DHX58: variants seen among roughly 807,000 people sequenced by gnomAD.
DHX58 encodes the protein DExH-box helicase 58, also known as ATP-dependent RNA helicase DHX58.
Under a neutral mutation model 65.0 loss-of-function variants are expected in DHX58, and 51 were observed. The observed-to-expected ratio is 0.78, with a 90% confidence interval of 0.63 to 0.99. The LOEUF (loss-of-function observed/expected upper bound fraction) is 0.99, where lower values mean the gene tolerates loss of function less well. Among genes scored for constraint, DHX58 ranks in the 50% least tolerant of loss-of-function variants. The pLI is 0.00. For missense variants in DHX58, 773 were observed against 891.8 expected, an observed-to-expected ratio of 0.87 and a Z score of 1.70; for synonymous variants, 350 against 365.0, an observed-to-expected ratio of 0.96 and a Z score of 0.47.
rs782596742 is a variant in DHX58 at position 42,105,992 on chromosome 17, G to A, written c.998-3C>T. 2.9e-5 allele frequency: 46 copies of A among 1,609,576 alleles called. 1 individual carries two copies. In the South Asian group the frequency reaches 4.2e-4, roughly 15 times the overall value. Reference sequence around the variant, plus strand: ...GTGGGCCAGCTCATTCTTGCGGTCTGTCAAAAACCCCAAAATTTAGCTGGG... The same window carrying A: ...GTGGGCCAGCTCATTCTTGCGGTCTATCAAAAACCCCAAAATTTAGCTGGG... On this transcript the variant is annotated splice_polypyrimidine_tract_variant and splice_region_variant and intron_variant, in intron 8 of 13. Transcript: ENST00000251642.
intron 11 of DHX58, 107 bp downstream of exon 11, chr17:42,104,659 C>T (rs1339421807): frequency 8.9e-6 from 13 of 1,464,464 alleles, no homozygotes; most frequent in Non-Finnish European, 1.1e-5. Context: ...AAGTTAGCCC[C>T]GAGATGTAGA....
intron 11 of DHX58, among the ~76,000 whole-genome samples, chr17:42,104,227 T>C (rs184974872): frequency 6.7e-6 from 1 of 149,866 alleles, no homozygotes; most frequent in Non-Finnish European, 1.5e-5. Flanking sequence ...AAAAAACAGC[T>C]ATGGAGAAAA....
In DHX58 at chr17:42,101,866, CT is replaced by C. The variant is rs1555661604; in HGVS notation, c.1931del (p.Gln644ArgfsTer96). On this transcript the variant is annotated frameshift_variant, in exon 14 of 14. Coordinates refer to ENST00000251642, the MANE Select transcript of DHX58 (RefSeq NM_024119.3). LOFTEE classifies it high-confidence loss of function. ...ACCACTTTTTGGCCTGGATCCGCCCCTGAGGGGTCTCCAGCAGCATGCTGCG... is the reference window on the plus strand; with the variant it reads ...ACCACTTTTTGGCCTGGATCCGCCCCGAGGGGTCTCCAGCAGCATGCTGCG... Reference protein sequence around the residue: ...KVRSMLLETPQGRIQAKKWSR... With the variant: ...KVRSMLLETPXGRIQAKKWSR... 3.1e-6 allele frequency: 5 copies of C among 1,614,244 alleles called. No homozygotes were observed. The highest frequency in any genetic ancestry group is 4.2e-6 in the Non-Finnish European group (5 of 1,180,036).
chr17:42,105,834 G>C lies in DHX58; in HGVS notation c.1153C>G (p.Leu385Val). 2 of 1,614,056 alleles carry C rather than the reference G, an allele frequency of 1.2e-6. No individual in the cohort carries two copies. The highest frequency in any genetic ancestry group is 1.7e-6 in the Non-Finnish European group (2 of 1,179,994). Reference protein sequence around the residue: ...RTRQSAHSLLLWLQQQQGLQT... With the variant: ...RTRQSAHSLLVWLQQQQGLQT... Reference sequence around the variant, plus strand: ...AGGCCCTGCTGCTGCTGGAGCCAGAGCAGGAGGGAGTGTGCGCTTTGGCGG... The same window carrying C: ...AGGCCCTGCTGCTGCTGGAGCCAGACCAGGAGGGAGTGTGCGCTTTGGCGG... The change falls in exon 9 of 14, where the codon CTC becomes GTC. Residue 385 changes from leucine to valine, a missense_variant. Physicochemically the swap from Leu to Val is conservative, Grantham distance 32 (BLOSUM62 1). Coordinates refer to ENST00000251642, the MANE Select transcript of DHX58 (RefSeq NM_024119.3).
chr17:42,105,341 TTCCCAGGTAACTGTCCAACCCCTA>T (rs1555662419), intron 9 of DHX58, among the ~76,000 whole-genome samples, 174 bp from the exon 10 acceptor site: 1 of 152,062 alleles, frequency 6.6e-6, no homozygotes, highest in Non-Finnish European at 1.5e-5. Flanking sequence ...CTTGCCCATC[TTCCCAGGTAACTGTCCAACCCCTA>T]TCTTCCCTAG....
intron 8 of DHX58, 49 bp from the exon 9 acceptor site, chr17:42,106,038 G>C: frequency 6.4e-7 from 1 of 1,570,888 alleles, no homozygotes; most frequent in Non-Finnish European, 8.6e-7. Flanking sequence ...CATGTCTGTA[G>C]TCCCAGATAC....
intron 8 of DHX58, 97 bp downstream of exon 8, chr17:42,107,507 G>C (rs1555662955): frequency 7.4e-7 from 1 of 1,357,298 alleles, no homozygotes; most frequent in African/African-American, 1.5e-5. Flanking sequence ...ATCCTCACGG[G>C]CACCTTCCCA....
chr17:42,107,367 TAAA>T (rs1555662926), intron 8 of DHX58, among the ~76,000 whole-genome samples: 3 of 140,054 alleles, frequency 2.1e-5, no homozygotes, highest in South Asian at 4.5e-4. Flanking sequence ...CCCCGACTAT[TAAA>T]AAAAAAAAAA....
At chr17:42,112,568 T>TGGGG (rs1351973584) in intron 1 of DHX58, 37 bp downstream of exon 1, 3 of 16,404 alleles carry the variant, frequency 1.8e-4, no homozygotes, top group Non-Finnish European at 3.0e-4. Flanking sequence ...GGCCAAAAGG[T>TGGGG]GGGGGTGGGG....
chr17:42,105,671 T>C, intron 9 of DHX58, 65 bp downstream of exon 9: 3 of 1,504,232 alleles, frequency 2.0e-6, no homozygotes, highest in African/African-American at 1.4e-5. Context: ...CTGAAGACCC[T>C]GTTCCCCGCA....
intron 4 of DHX58, 21 bp from the exon 5 acceptor site, chr17:42,110,934 G>A: frequency 3.2e-6 from 5 of 1,570,566 alleles, no homozygotes; most frequent in Non-Finnish European, 4.3e-6. Flanking sequence ...AGGGGGGAAG[G>A]CTGTGACCTA....
In DHX58 at chr17:42,104,795, T is replaced by A; in HGVS notation, c.1534A>T (p.Lys512Ter). ...LMEQAVAAVQKMDQAEYQAKI... is the reference protein window; with the variant it reads ...LMEQAVAAVQ Reference sequence around the variant, plus strand: ...GCCTGGTACTCGGCCTGGTCCATTTTCTGCACAGCAGCCACTGCCTGCTCC... The same window carrying A: ...GCCTGGTACTCGGCCTGGTCCATTTACTGCACAGCAGCCACTGCCTGCTCC... Residue 512 changes from lysine to a stop codon, truncating the protein, a stop_gained, in exon 11 of 14, where the codon AAA becomes TAA. Coordinates refer to ENST00000251642, the MANE Select transcript of DHX58 (RefSeq NM_024119.3). LOFTEE classifies it high-confidence loss of function. The A allele has an allele frequency of 6.2e-7, 1 of 1,614,060 alleles. No individual in the cohort carries two copies. The highest frequency in any genetic ancestry group is 8.5e-7 in the Non-Finnish European group (1 of 1,180,008).
At chr17:42,108,214 C>T in intron 6 of DHX58, 106 bp from the exon 7 acceptor site, 2 of 1,530,554 alleles carry the variant, frequency 1.3e-6, no homozygotes, top group Non-Finnish European at 1.8e-6. Flanking sequence ...CCTCACCCAT[C>T]TGTCTTAGCT....
At chr17:42,110,094 G>A (rs2054125500) in intron 5 of DHX58, among the ~76,000 whole-genome samples, 1 of 151,338 alleles carries the variant, frequency 6.6e-6, no homozygotes, top group African/African-American at 2.4e-5. Context: ...GGCTGAGGCA[G>A]GAGAATCGCT....
At chr17:42,112,353 G>A (rs12601619) in intron 1 of DHX58, 148 bp from the exon 2 acceptor site, 4,463 of 249,036 alleles carry the variant, frequency 0.018, 73 homozygotes, top group East Asian at 0.063. Flanking sequence ...CTGCGCCAGC[G>A]CCCTGGCAGG....
At chr17:42,103,336 A>G (rs2054006129) in intron 12 of DHX58, 2 of 488,722 alleles carry the variant, frequency 4.1e-6, no homozygotes, top group Admixed American at 7.4e-5. Flanking sequence ...CAGAGGGTCA[A>G]TGTGTGGTCT....
rs111241943 is a variant in DHX58, at chr17:42,101,921, T to C, written c.1877A>G (p.Lys626Arg). 1 of 1,613,556 alleles carries C rather than the reference T, an allele frequency of 6.2e-7. No individual in the cohort carries two copies. The highest frequency in any genetic ancestry group is 1.1e-5 in the South Asian group (1 of 90,988). Residue 626 changes from lysine (K) to arginine (R), a missense_variant, in exon 14 of 14, where the codon AAG (lysine) becomes AGG (arginine). Lys to Arg is a conservative substitution (Grantham distance 26). Coordinates refer to ENST00000251642, the MANE Select transcript of DHX58 (RefSeq NM_024119.3). ...GEVWGLQMIY[K>R]SVKLPVLKVR... ...TTTGAGCACTGGCAGCTTCACTGAC[T>C]TGTAGATCATCTGCAGACCCCAGAC...
At chr17:42,112,375 C>A in intron 1 of DHX58, 170 bp from the exon 2 acceptor site, 1 of 297,012 alleles carries the variant, frequency 3.4e-6, no homozygotes. Flanking sequence ...ATGATCACCT[C>A]CCATTGGTAG....
chr17:42,106,512 C>T (rs1453087472), intron 8 of DHX58, among the ~76,000 whole-genome samples: 1 of 151,990 alleles, frequency 6.6e-6, no homozygotes, highest in Non-Finnish European at 1.5e-5. Flanking sequence ...TTTAAGGATG[C>T]CCTGGCCGGG....
Sources: gnomAD v4.1 joint callset for allele counts (sites outside exome capture counted in the v4.1 genomes callset) on GRCh38, gnomAD v4.1.1 for gene constraint, MANE v1.5 for transcripts, NCBI Gene and HGNC (gene_info 2026-07-23, HGNC 2026-07-21) for gene names.